The following GRSF1 variants were observed in gnomAD, a reference collection of about 807,000 sequenced individuals.
GRSF1 encodes G-rich sequence factor 1.
In GRSF1, 50 loss-of-function variants were observed where a neutral mutation model predicts 51.1. That is an observed-to-expected ratio of 0.98 (90% CI 0.78 to 1.24). GRSF1 has a LOEUF of 1.24. Ranked by LOEUF, GRSF1 falls within the 50% of genes most tolerant of loss-of-function variation. The pLI is 0.00. For synonymous variants in GRSF1, 293 were observed against 253.3 expected (o/e 1.16, Z -1.49); for missense variants, 700 against 639.7 (o/e 1.09, Z -1.02).
intron 2 of GRSF1, among the ~76,000 whole-genome samples, chr4:70,834,815 G>C (rs1202090079): frequency 6.6e-6 from 1 of 152,046 alleles, no homozygotes; most frequent in Non-Finnish European, 1.5e-5. Context: ...AGGAGAGATG[G>C]GGTTTCAACA....
chr4:70,827,229 A>T (rs1005430446), intron 6 of GRSF1, among the ~76,000 whole-genome samples: 2 of 151,658 alleles, frequency 1.3e-5, no homozygotes, highest in Non-Finnish European at 2.9e-5. Context: ...CGGAACCTGC[A>T]GTGAGCCGAG....
Position 70,829,014 on chromosome 4 carries a change from T to C in GRSF1, c.951-978A>G, listed in dbSNP as rs143613530. ...TCAGCCTCCCAAAGTGCTGGGATTATAGGCATGAGCCACCATGCCCAGCCC... is the reference window on the plus strand; with the variant it reads ...TCAGCCTCCCAAAGTGCTGGGATTACAGGCATGAGCCACCATGCCCAGCCC... On this transcript the variant is annotated intron_variant, in intron 5 of 9. Transcript: ENST00000254799. Among the ~76,000 whole-genome samples, 106 of 152,082 alleles carry C rather than the reference T, an allele frequency of 7.0e-4. 1 individual carries two copies. In the East Asian group the frequency reaches 0.019, roughly 27 times the overall value.
Position 70,839,599 on chromosome 4 carries a change from C to T in GRSF1, c.229G>A (p.Ala77Thr). ...QTGPVPPGRL[A>T]GPPAVATSAA... ...GAGGTGGCCACAGCGGGAGGCCCCGCCAGCCTCCCGGGAGGCACAGGCCCG... is the reference window on the plus strand; with the variant it reads ...GAGGTGGCCACAGCGGGAGGCCCCGTCAGCCTCCCGGGAGGCACAGGCCCG... The change falls in exon 1 of 10, where the codon GCG becomes ACG. Residue 77 changes from alanine (A) to threonine (T), a missense_variant. Physicochemically the swap from Ala to Thr is moderately conservative, Grantham distance 58. Coordinates refer to ENST00000254799, the MANE Select transcript of GRSF1 (RefSeq NM_002092.4). The T allele has an allele frequency of 7.1e-7, 1 of 1,409,656 alleles. No homozygotes were observed. 87.3% of individuals were successfully genotyped at this position (1,409,656 alleles called of 1,614,324 possible). A position where few individuals can be genotyped will look rare whatever the true frequency, so the allele number is the denominator to read the frequency against.
rs1197201972 is a variant in GRSF1 at position 70,825,325 on chromosome 4, G to C, written c.1364C>G (p.Ala455Gly). 3 of 1,609,890 alleles carry C rather than the reference G, an allele frequency of 1.9e-6. No homozygotes were observed. The highest frequency in any genetic ancestry group is 2.5e-6 in the Non-Finnish European group (3 of 1,176,932). Residue 455 changes from alanine (A) to glycine (G), a missense_variant, in exon 8 of 10, where the codon GCA becomes GGA. Transcript: ENST00000254799. ...VHFETHEDAV[A>G]AMLKDRSHVH... is the part of the protein sequence containing the mutation. The stretch of plus-strand genomic sequence containing the variant: ...GTGGGACCGATCCTTGAGCATCGCT[G>C]CAACAGCATCCTCATGGGTCTCAAA...
At position 70,816,386 on chromosome 4, in the gene GRSF1, T is replaced by TA. The variant is rs1733308802; in HGVS notation, c.*4500dup. On this transcript the variant is annotated 3_prime_UTR_variant, in exon 10 of 10. Transcript: ENST00000254799. ...AAAAAGAAAAAACCTCATCAAATGATACACTTAACATTTATTCACCTTACT... is the reference window on the plus strand; with the variant it reads ...AAAAAGAAAAAACCTCATCAAATGATAACACTTAACATTTATTCACCTTACT... 1.3e-5 allele frequency: 2 copies of TA among 148,454 alleles called. No homozygotes were observed. The highest frequency in any genetic ancestry group is 4.3e-4 in the South Asian group (2 of 4,642). The allele number at this position is 148,454 out of a possible 1,614,324, so 9.2% of individuals were successfully genotyped here.
chr4:70,822,372 C>T (rs923507805), intron 9 of GRSF1, among the ~76,000 whole-genome samples: 1 of 151,846 alleles, frequency 6.6e-6, no homozygotes, highest in Non-Finnish European at 1.5e-5. Flanking sequence ...CACTGGATGT[C>T]GGGAGTTTGA....
intron 5 of GRSF1, among the ~76,000 whole-genome samples, chr4:70,830,456 A>AC (rs199810803): frequency 0.011 from 1,652 of 151,702 alleles, 17 homozygotes; most frequent in Middle Eastern, 0.065. Context: ...TAAAAAAAAA[A>AC]AAAAAACACA....
At chr4:70,834,023 G>A (rs61111226) in intron 2 of GRSF1, among the ~76,000 whole-genome samples, 2 of 152,134 alleles carry the variant, frequency 1.3e-5, no homozygotes, top group African/African-American at 4.8e-5. Context: ...CCTTTGGGAG[G>A]CCAAGGTGGT....
chr4:70,829,640 A>G (rs1045758422), intron 5 of GRSF1, among the ~76,000 whole-genome samples: 1 of 152,056 alleles, frequency 6.6e-6, no homozygotes, highest in African/African-American at 2.4e-5. Flanking sequence ...GTAACAGAAT[A>G]AGACTCTGTC....
Position 70,819,377 on chromosome 4 carries a change from G to C in GRSF1, c.*1510C>G, listed in dbSNP as rs1039649605. 4.6e-5 allele frequency: 7 copies of C among 152,090 alleles called. No homozygotes were observed. Among genetic ancestry groups the C allele is most frequent in the African/African-American group, 1.7e-4 (7 of 41,418 alleles). The allele number at this position is 152,090 out of a possible 1,614,324, so 9.4% of individuals were successfully genotyped here. A position where few individuals can be genotyped will look rare whatever the true frequency, so the allele number is the denominator to read the frequency against. ...GCATTTCCATCTAGGCAGTACTACTGATGATGTTAAGCTGGTTAAGTCATG... is the reference window on the plus strand; with the variant it reads ...GCATTTCCATCTAGGCAGTACTACTCATGATGTTAAGCTGGTTAAGTCATG... On this transcript the variant is annotated 3_prime_UTR_variant, in exon 10 of 10. Transcript: ENST00000254799.
chr4:70,836,826 G>A (rs1277675582), intron 1 of GRSF1, among the ~76,000 whole-genome samples: 2 of 152,174 alleles, frequency 1.3e-5, no homozygotes, highest in South Asian at 2.1e-4. Context: ...TTTTTATGAG[G>A]ATATAAAAGA....
chr4:70,830,937 T>A (rs528121700), intron 5 of GRSF1, among the ~76,000 whole-genome samples: 11 of 152,162 alleles, frequency 7.2e-5, no homozygotes, highest in Non-Finnish European at 1.0e-4. Flanking sequence ...TGTAAAAAAA[T>A]TTTTTTAAAA....
rs1476183822 is a variant in GRSF1 at position 70,839,525 on chromosome 4, C to T, written c.303G>A (p.Leu101=). ...CCGCCGCCGCCAGCGACTGCGGCAG[C>T]AGAGAGGCACGGAGGGCAGAGTAGG... The part of the protein sequence containing the change: ...AASYSALRAS[L]LPQSLAAAAA... Residue 101 remains leucine (L), a synonymous_variant, in exon 1 of 10, where the codon CTG becomes CTA. Transcript: ENST00000254799. 4 of 1,446,348 alleles carry T rather than the reference C, an allele frequency of 2.8e-6. No individual in the cohort carries two copies. Among genetic ancestry groups the T allele is most frequent in the African/African-American group, 3.0e-5 (2 of 66,686 alleles). The allele number at this position is 1,446,348 out of a possible 1,614,324, so 89.6% of individuals were successfully genotyped here. A position where few individuals can be genotyped will look rare whatever the true frequency, so the allele number is the denominator to read the frequency against.
chr4:70,841,284 TA>T (rs1334634008), upstream of GRSF1, among the ~76,000 whole-genome samples: 1 of 152,086 alleles, frequency 6.6e-6, no homozygotes, highest in Admixed American at 6.5e-5. Context: ...ACCCTGTCTC[TA>T]AAAAAATAAA....
At position 70,833,130 on chromosome 4, in the gene GRSF1, G is replaced by T. The variant is rs752132157; in HGVS notation, c.658C>A (p.Arg220=). The change falls in exon 3 of 10, where the codon CGG becomes AGG. Residue 220 remains arginine, a synonymous_variant. Transcript: ENST00000254799. The part of the protein sequence containing the change: ...LEKHRMYMGQ[R]YVEVYEINNE... ...TGACTTCACATACCTTCCACATACC[G>T]CTGGCCCATGTACATGCGGTGCTTC... 1.2e-6 allele frequency: 2 copies of T among 1,613,552 alleles called. No homozygotes were observed. Among genetic ancestry groups the T allele is most frequent in the East Asian group, 2.2e-5 (1 of 44,876 alleles).
upstream of GRSF1, among the ~76,000 whole-genome samples, chr4:70,843,140 A>T (rs1462492154): frequency 6.6e-6 from 1 of 152,230 alleles, no homozygotes; most frequent in Non-Finnish European, 1.5e-5. Flanking sequence ...TACTATGCCC[A>T]AAAGACCAAA....
intron 1 of GRSF1, among the ~76,000 whole-genome samples, chr4:70,837,557 C>G (rs1316288025): frequency 1.2e-5 from 1 of 82,666 alleles, no homozygotes; most frequent in African/African-American, 4.5e-5. Flanking sequence ...GAGCAAGACT[C>G]CGTCTCAAAA....
intron 8 of GRSF1, among the ~76,000 whole-genome samples, 185 bp downstream of exon 8, chr4:70,825,111 A>G (rs7661039): frequency 0.9 from 136,797 of 152,200 alleles, 62,869 homozygotes; most frequent in East Asian, 1. Context: ...AGAGATTTGC[A>G]GGATAATTAG....
chr4:70,824,258 C>T, intron 9 of GRSF1, 36 bp downstream of exon 9: 6 of 900,396 alleles, frequency 6.7e-6, no homozygotes, highest in Non-Finnish European at 1.1e-5. Context: ...GTGTGAGCCA[C>T]TGCACCCAGC....
Sources: gnomAD v4.1 joint callset for allele counts (sites outside exome capture counted in the v4.1 genomes callset) on GRCh38, gnomAD v4.1.1 for gene constraint, MANE v1.5 for transcripts, NCBI Gene and HGNC (gene_info 2026-07-23, HGNC 2026-07-21) for gene names.